Variants in NTRK3 observed in about 807,000 individuals in gnomAD.
The protein encoded by NTRK3 is NT-3 growth factor receptor.
A neutral mutation model predicts 91.7 loss-of-function variants in NTRK3; 24 were observed. That is an observed-to-expected ratio of 0.26 (90% CI 0.19 to 0.37). The LOEUF (loss-of-function observed/expected upper bound fraction) is 0.37, where lower values mean the gene tolerates loss of function less well. Ranked by LOEUF, NTRK3 falls within the 10% of genes least tolerant of loss-of-function variation. The pLI is 1.00. For missense variants in NTRK3, 880 were observed against 1,068.9 expected (o/e 0.82, Z 2.46); for synonymous variants, 483 against 404.0 (o/e 1.20, Z -2.34).
chr15:87,868,724 T>C (rs557503102), exon 19 of NTRK3: 7 of 220,884 alleles, frequency 3.2e-5, no homozygotes, highest in East Asian at 2.6e-4. Context: ...TGTGCCACAA[T>C]GTGGAATTAT....
At position 88,230,392 on chromosome 15, in the gene NTRK3, G is replaced by A. The variant is rs544483665; in HGVS notation, c.248+25514C>T. Among the ~76,000 whole-genome samples the A allele has an allele frequency of 2.0e-5, 3 of 152,226 alleles. No homozygotes were observed. In the South Asian group the frequency reaches 6.2e-4, roughly 32 times the overall value. ...TCTGCAGAGCACATGTTCTCATTTT[G>A]GATTCAGAGATCATGATCGCGGAAA... On this transcript the variant is annotated intron_variant, in intron 3 of 18. Transcript: ENST00000394480.
At chr15:88,025,665 G>C (rs1049768986) in intron 14 of NTRK3, among the ~76,000 whole-genome samples, 2 of 152,204 alleles carry the variant, frequency 1.3e-5, no homozygotes, top group Non-Finnish European at 2.9e-5. Context: ...TCAGAGGGAG[G>C]ATGGCCCTGT....
At chr15:88,182,426 C>A (rs1448611978) in intron 5 of NTRK3, among the ~76,000 whole-genome samples, 2 of 152,194 alleles carry the variant, frequency 1.3e-5, no homozygotes, top group Admixed American at 6.5e-5. Context: ...CAATTTCTCT[C>A]CAGCCCAGCT....
rs567202104 is a variant in NTRK3 at position 88,080,698 on chromosome 15, G to C, written c.1396+45573C>G. On this transcript the variant is annotated intron_variant, in intron 13 of 18. Transcript: ENST00000394480. ...GCTCTTCCAATCTCATGGCCAAAGAGCCCCAGATTGGAAGGCAGGAGCAAA... is the reference window on the plus strand; with the variant it reads ...GCTCTTCCAATCTCATGGCCAAAGACCCCCAGATTGGAAGGCAGGAGCAAA... Among the ~76,000 whole-genome samples, 80 of 152,350 alleles carry C rather than the reference G, an allele frequency of 5.3e-4. No individual in the cohort carries two copies. The East Asian group carries it at 0.013, about 24-fold the overall frequency.
intron 5 of NTRK3, among the ~76,000 whole-genome samples, chr15:88,156,003 C>T (rs930240621): frequency 6.6e-6 from 1 of 152,166 alleles, no homozygotes; most frequent in African/African-American, 2.4e-5. Context: ...CGGCTCTGGA[C>T]CATCTGAAAA....
At chr15:87,986,953 G>T (rs557704422) in intron 14 of NTRK3, among the ~76,000 whole-genome samples, 1 of 152,346 alleles carries the variant, frequency 6.6e-6, no homozygotes, top group African/African-American at 2.4e-5. Flanking sequence ...TGTAAAAATA[G>T]GCAAGAGCCA....
Position 87,896,646 on chromosome 15 carries a change from T to A in NTRK3, c.2134-16218A>T, listed in dbSNP as rs572831467. Among the ~76,000 whole-genome samples the A allele has an allele frequency of 2.2e-4, 33 of 152,122 alleles. 1 individual carries two copies. The East Asian group carries it at 6.2e-3, about 29-fold the overall frequency. On this transcript the variant is annotated intron_variant, in intron 17 of 18. Transcript: ENST00000394480. ...GTTCTCCCCAGTTTGTGTGGGTGCATGCCTTAGGGATATATTAGTTTGGAT... is the reference window on the plus strand; with the variant it reads ...GTTCTCCCCAGTTTGTGTGGGTGCAAGCCTTAGGGATATATTAGTTTGGAT...
At chr15:88,209,597 A>G (rs1276136500) in intron 3 of NTRK3, among the ~76,000 whole-genome samples, 2 of 152,236 alleles carry the variant, frequency 1.3e-5, no homozygotes, top group Non-Finnish European at 2.9e-5. Flanking sequence ...GGCTGAAGGG[A>G]TAAAAGGAGG....
At chr15:87,900,693 GTGTGTGTGTGTGTGTGTGTGTGT>G (rs1567085741) in intron 17 of NTRK3, among the ~76,000 whole-genome samples, 2 of 135,304 alleles carry the variant, frequency 1.5e-5, no homozygotes, top group Non-Finnish European at 1.6e-5. Flanking sequence ...TACAGAGGGT[GTGTGTGTGTGTGTGTGTGTGTGT>G]GTGTGTGTGT....
At position 88,060,598 on chromosome 15, in the gene NTRK3, C is replaced by G. The variant is rs192081938; in HGVS notation, c.1397-27553G>C. Among the ~76,000 whole-genome samples the G allele has an allele frequency of 5.4e-3, 828 of 152,150 alleles. 10 individuals are homozygous for G. The highest frequency in any genetic ancestry group is 0.041 in the Middle Eastern group (12 of 294). ...CAGCCCCAAGCCAGGCCGTGCATGA[C>G]CATGGGGACCATCCAGAAGAGCAGG... is the stretch of plus-strand genomic sequence containing the variant. On this transcript the variant is annotated intron_variant, in intron 13 of 18. Transcript: ENST00000394480.
chr15:88,090,019 A>C (rs2048871283), intron 13 of NTRK3, among the ~76,000 whole-genome samples: 1 of 152,076 alleles, frequency 6.6e-6, no homozygotes, highest in African/African-American at 2.4e-5. Flanking sequence ...GCACAGTTCC[A>C]TCTCAGGGCC....
intron 9 of NTRK3, among the ~76,000 whole-genome samples, 179 bp downstream of exon 9, chr15:88,135,720 T>C (rs2041812250): frequency 6.6e-6 from 1 of 152,192 alleles, no homozygotes; most frequent in Non-Finnish European, 1.5e-5. Flanking sequence ...AGGTGCTCTT[T>C]CTGGGGTTTT....
At chr15:88,151,800 G>A (rs1228343485) in intron 5 of NTRK3, among the ~76,000 whole-genome samples, 1 of 152,164 alleles carries the variant, frequency 6.6e-6, no homozygotes, top group Non-Finnish European at 1.5e-5. Flanking sequence ...AGGCTAATGG[G>A]CAGGTATGTC....
At chr15:87,926,504 C>T (rs1343976643) in intron 17 of NTRK3, among the ~76,000 whole-genome samples, 1 of 152,176 alleles carries the variant, frequency 6.6e-6, no homozygotes, top group Non-Finnish European at 1.5e-5. Flanking sequence ...TTGAGGTTAC[C>T]TGTAGTGTGT....
chr15:88,015,520 G>A (rs2077173213), intron 14 of NTRK3, among the ~76,000 whole-genome samples: 1 of 152,064 alleles, frequency 6.6e-6, no homozygotes, highest in Non-Finnish European at 1.5e-5. Flanking sequence ...CCTCTGTGGA[G>A]CCTTTACCCA....
chr15:87,933,197 C>G lies in NTRK3; in HGVS notation c.1717-13G>C, dbSNP rs1281298374. The G allele has an allele frequency of 6.2e-7, 1 of 1,614,018 alleles. No individual in the cohort carries two copies. Among genetic ancestry groups the G allele is most frequent in the Non-Finnish European group, 8.5e-7 (1 of 1,179,922 alleles). On this transcript the variant is annotated splice_polypyrimidine_tract_variant and intron_variant, in intron 15 of 18. Transcript: ENST00000394480. ...GATCCTTCAGGGCCTAGGAACAATG[C>G]AGGACACAGGTGTTTAACAACTACA...
rs191855034 is a variant in NTRK3 at position 87,986,616 on chromosome 15, G to A, written c.1586-45863C>T. Among the ~76,000 whole-genome samples, 509 of 152,246 alleles carry A rather than the reference G, an allele frequency of 3.3e-3. 5 individuals carry two copies. Among genetic ancestry groups the A allele is most frequent in the Non-Finnish European group, 3.1e-3 (210 of 68,018 alleles). ...ATCCATGTTGATACATGTAGCTCCC[G>A]TTCATTAATTTTAGCTAACGAAGTC... On this transcript the variant is annotated intron_variant, in intron 14 of 18. Transcript: ENST00000394480.
At chr15:88,007,229 C>G (rs1397487880) in intron 14 of NTRK3, among the ~76,000 whole-genome samples, 2 of 152,172 alleles carry the variant, frequency 1.3e-5, no homozygotes, top group African/African-American at 4.8e-5. Context: ...TATTTACAGA[C>G]AAGGAAGCAA....
At chr15:88,125,795 G>A (rs192777086) in intron 13 of NTRK3, among the ~76,000 whole-genome samples, 55 of 148,216 alleles carry the variant, frequency 3.7e-4, no homozygotes, top group African/African-American at 1.2e-3. Context: ...TCTGTGTAGA[G>A]CTACGTGCTG....
Sources: gnomAD v4.1 joint callset for allele counts (sites outside exome capture counted in the v4.1 genomes callset) on GRCh38, gnomAD v4.1.1 for gene constraint, MANE v1.5 for transcripts, NCBI Gene and HGNC (gene_info 2026-07-23, HGNC 2026-07-21) for gene names.